Variants in MSH4 observed in about 807,000 individuals in gnomAD.
MSH4 encodes mutS protein homolog 4.
Under a neutral mutation model 113.7 loss-of-function variants are expected in MSH4, and 106 were observed. That is an observed-to-expected ratio of 0.93 (90% CI 0.80 to 1.10). MSH4 has a LOEUF of 1.10. MSH4 is among the 50% of genes least tolerant of loss of function. The pLI is 0.00. For synonymous variants in MSH4, 368 were observed against 380.2 expected, an observed-to-expected ratio of 0.97 and a Z score of 0.37; for missense variants, 1,061 against 1,093.7, an observed-to-expected ratio of 0.97 and a Z score of 0.42.
chr1:75,796,919 G>A lies in MSH4; in HGVS notation c.-67G>A. ...CGCCCGTTTCAGCGGCGCAGCTTCTGTAGTTGGGCTACTGGAGGGGTCGCT... is the reference window on the plus strand; with the variant it reads ...CGCCCGTTTCAGCGGCGCAGCTTCTATAGTTGGGCTACTGGAGGGGTCGCT... On this transcript the variant is annotated 5_prime_UTR_variant, in exon 1 of 20. Transcript: ENST00000263187. 6.3e-7 allele frequency: 1 copy of A among 1,597,590 alleles called. No homozygotes were observed. The highest frequency in any genetic ancestry group is 8.5e-7 in the Non-Finnish European group (1 of 1,170,526).
At chr1:75,818,576 C>G (rs1650338188) in intron 6 of MSH4, among the ~76,000 whole-genome samples, 1 of 152,152 alleles carries the variant, frequency 6.6e-6, no homozygotes, top group Non-Finnish European at 1.5e-5. Context: ...TACTAAGTAT[C>G]ATTTTATGTT....
At chr1:75,888,444 T>A (rs1652175217) in intron 15 of MSH4, among the ~76,000 whole-genome samples, 1 of 152,074 alleles carries the variant, frequency 6.6e-6, no homozygotes. Flanking sequence ...AGAAACAGTC[T>A]TGTGGGTGAA....
At chr1:75,900,861 A>G (rs1258339504) in intron 19 of MSH4, among the ~76,000 whole-genome samples, 1 of 152,170 alleles carries the variant, frequency 6.6e-6, no homozygotes, top group Non-Finnish European at 1.5e-5. Context: ...TTTAGAGTTC[A>G]TCTTACCACA....
rs575828917 is a variant in MSH4 at position 75,878,352 on chromosome 1, G to T, written c.1540+34G>T. ...TTTATTTGATAATGTTTTTTGTAGG[G>T]ATAAAACAGCCTTTTCAGGACATGC... On this transcript the variant is annotated intron_variant, in intron 11 of 19. Coordinates refer to ENST00000263187, the MANE Select transcript of MSH4 (RefSeq NM_002440.4). 2.7e-4 allele frequency: 405 copies of T among 1,504,032 alleles called. 3 individuals are homozygous for T. The South Asian group carries it at 5.0e-3, about 18-fold the overall frequency. The allele number at this position is 1,504,032 out of a possible 1,614,324, so 93.2% of individuals were successfully genotyped here.
At chr1:75,883,843 A>T in intron 15 of MSH4, 22 bp downstream of exon 15, 2 of 1,594,762 alleles carry the variant, frequency 1.3e-6, no homozygotes, top group Admixed American at 1.7e-5. Flanking sequence ...CTTTATTTAT[A>T]ATGACCAGTT....
At chr1:75,832,224 A>G (rs1013014058) in intron 7 of MSH4, among the ~76,000 whole-genome samples, 1 of 152,212 alleles carries the variant, frequency 6.6e-6, no homozygotes, top group Admixed American at 6.5e-5. Context: ...CACCCTCCCA[A>G]GACTAAACCA....
At chr1:75,805,618 C>T (rs1650044272) in intron 2 of MSH4, among the ~76,000 whole-genome samples, 1 of 151,908 alleles carries the variant, frequency 6.6e-6, no homozygotes, top group African/African-American at 2.4e-5. Flanking sequence ...AACTCCTGGC[C>T]ACAAGTGATC....
chr1:75,907,684 C>CTCTCTCTCTACATATATA (rs1307238647), intron 19 of MSH4, among the ~76,000 whole-genome samples: 3 of 46,574 alleles, frequency 6.4e-5, no homozygotes, highest in Admixed American at 6.7e-4. Flanking sequence ...CTCTCTCTCT[C>CTCTCTCTCTACATATATA]TATACATATA....
At position 75,816,245 on chromosome 1, in the gene MSH4, ATAC is replaced by A. The variant is rs1383974499; in HGVS notation, c.816-127_816-125del. On this transcript the variant is annotated intron_variant, in intron 5 of 19. Coordinates refer to ENST00000263187, the MANE Select transcript of MSH4 (RefSeq NM_002440.4). ...TTTACCTAGTTTTCAAAAATATGAA[ATAC>A]CTGGTGTACCTTTTCCTTTTGAGTT... is the stretch of plus-strand genomic sequence containing the variant. 6.1e-6 allele frequency: 3 copies of A among 494,444 alleles called. No individual in the cohort carries two copies. The East Asian group carries it at 1.1e-4, about 18-fold the overall frequency. 30.6% of individuals were successfully genotyped at this position (494,444 alleles called of 1,614,324 possible).
Position 75,815,065 on chromosome 1 carries a change from A to C in MSH4, c.744A>C (p.Thr248=). 6.2e-7 allele frequency: 1 copy of C among 1,606,376 alleles called. No individual in the cohort carries two copies. Among genetic ancestry groups the C allele is most frequent in the Non-Finnish European group, 8.5e-7 (1 of 1,175,638 alleles). ...TCCAAAGGAAATACTTCAATGAAAC[A>C]AAAGGATTAGAGTACATTGAACAGT... ...TTIQRKYFNE[T]KGLEYIEQLC... is the part of the protein sequence containing the mutation. Residue 248 remains threonine (T), a synonymous_variant, in exon 5 of 20, where the codon ACA becomes ACC. Transcript: ENST00000263187.
intron 7 of MSH4, among the ~76,000 whole-genome samples, chr1:75,826,301 A>G (rs10873724): frequency 0.81 from 114,606 of 141,008 alleles, 44,547 homozygotes; most frequent in South Asian, 0.91. Flanking sequence ...CTGTGGGATC[A>G]GTGGTGATAT....
chr1:75,881,716 A>G (rs1052565180), intron 14 of MSH4, among the ~76,000 whole-genome samples: 2 of 152,062 alleles, frequency 1.3e-5, no homozygotes, highest in Non-Finnish European at 2.9e-5. Context: ...AGCGTGATAA[A>G]CGTTAATAGA....
intron 8 of MSH4, among the ~76,000 whole-genome samples, chr1:75,862,280 G>A (rs886152392): frequency 7.2e-5 from 11 of 152,120 alleles, no homozygotes; most frequent in South Asian, 2.1e-4. Flanking sequence ...CTCACCCTCC[G>A]TGGGCTGTAC....
At chr1:75,912,493 A>G (rs1015249802) in intron 19 of MSH4, among the ~76,000 whole-genome samples, 2 of 152,062 alleles carry the variant, frequency 1.3e-5, no homozygotes, top group Non-Finnish European at 2.9e-5. Flanking sequence ...AGAATAAATT[A>G]TGTTCTTTCA....
intron 3 of MSH4, among the ~76,000 whole-genome samples, chr1:75,808,700 T>G (rs1300842159): frequency 6.6e-6 from 1 of 152,148 alleles, no homozygotes; most frequent in Non-Finnish European, 1.5e-5. Context: ...CAGAGAGTTA[T>G]TTCTACTGAA....
chr1:75,820,666 T>A (rs1650389787), intron 6 of MSH4, among the ~76,000 whole-genome samples: 1 of 152,216 alleles, frequency 6.6e-6, no homozygotes, highest in Non-Finnish European at 1.5e-5. Context: ...AGTGGTGATA[T>A]CCCCTTTATC....
intron 7 of MSH4, among the ~76,000 whole-genome samples, chr1:75,837,198 G>A (rs1570958889): frequency 6.6e-6 from 1 of 152,106 alleles, no homozygotes; most frequent in Admixed American, 6.6e-5. Context: ...AAGATACAGC[G>A]AGAAGGTACC....
intron 8 of MSH4, among the ~76,000 whole-genome samples, chr1:75,859,481 C>T (rs964965498): frequency 4.6e-5 from 7 of 152,136 alleles, no homozygotes; most frequent in African/African-American, 1.4e-4. Context: ...TCACTGGTTT[C>T]GAAGAACATC....
intron 1 of MSH4, among the ~76,000 whole-genome samples, chr1:75,801,074 T>C (rs1487306691): frequency 6.6e-6 from 1 of 152,178 alleles, no homozygotes; most frequent in Non-Finnish European, 1.5e-5. Flanking sequence ...TCAAGAATAT[T>C]TTGTGATATT....
Sources: allele counts gnomAD v4.1 joint callset (sites outside exome capture counted in the v4.1 genomes callset), GRCh38; gene constraint gnomAD v4.1.1; transcripts MANE v1.5; gene names NCBI Gene and HGNC (gene_info 2026-07-23, HGNC 2026-07-21).